Variants in CHD4 observed in about 807,000 individuals in gnomAD.
CHD4 encodes ATP-dependent chromatin remodeler CHD4.
A neutral mutation model predicts 235.5 loss-of-function variants in CHD4; 35 were observed. The observed-to-expected ratio is 0.15, with a 90% CI of 0.11 to 0.20. The LOEUF (loss-of-function observed/expected upper bound fraction) is 0.20. Ranked by LOEUF, CHD4 falls within the 10% of genes least tolerant of loss-of-function variation. The probability of loss-of-function intolerance (pLI) is 1.00; values close to 1 mark genes in which losing one functional copy is unlikely to be tolerated. For missense variants in CHD4, 1,329 were observed against 2,432.3 expected, an observed-to-expected ratio of 0.55 and a Z score of 9.54; for synonymous variants, 900 against 850.2, an observed-to-expected ratio of 1.06 and a Z score of -1.02.
At chr12:6,580,710 A>AAAACAAACAAAC in intron 33 of CHD4, 1 of 195,856 alleles carries the variant, frequency 5.1e-6, no homozygotes, top group Non-Finnish European at 9.5e-6. Flanking sequence ...CTTTGAAAAA[A>AAAACAAACAAAC]AAAAAAAAAA....
chr12:6,576,920 C>T (rs553428803), intron 37 of CHD4, among the ~76,000 whole-genome samples: 49 of 151,206 alleles, frequency 3.2e-4, no homozygotes, highest in Non-Finnish European at 6.0e-4. Context: ...TTATACTCAG[C>T]GTACGAGACA....
intron 33 of CHD4, chr12:6,580,261 A>G (rs1398289266): frequency 6.6e-6 from 1 of 151,996 alleles, no homozygotes; most frequent in Non-Finnish European, 1.5e-5. Context: ...AACAACAAAT[A>G]AAGTCATAAG....
chr12:6,575,788 G>A (rs994453716), intron 37 of CHD4, among the ~76,000 whole-genome samples: 2 of 152,008 alleles, frequency 1.3e-5, no homozygotes, highest in Non-Finnish European at 2.9e-5. Context: ...CCTCTAGCCC[G>A]TCCACCTTTC....
chr12:6,578,365 C>T, intron 35 of CHD4, 44 bp downstream of exon 35: 1 of 1,594,108 alleles, frequency 6.3e-7, no homozygotes. Context: ...ACCCCAATTT[C>T]ACATCAGATC....
chr12:6,582,180 T>A lies in CHD4; in HGVS notation c.4472A>T (p.His1491Leu), dbSNP rs1194324794. Residue 1491 changes from histidine to leucine, a missense_variant, in exon 30 of 40, where the codon CAT becomes CTT. Coordinates refer to ENST00000544040, the MANE Select transcript of CHD4 (RefSeq NM_001273.5). ...CATAACACCAATTCTAGTAAGGACA[T>A]GCTGGCGAGACAGGCCTTCTCGGGG... Reference protein sequence around the residue: ...GVPREGLSRQHVLTRIGVMSL... With the variant: ...GVPREGLSRQLVLTRIGVMSL... 26 of 1,598,680 alleles carry A rather than the reference T, an allele frequency of 1.6e-5. No homozygotes were observed. The highest frequency in any genetic ancestry group is 2.1e-5 in the Non-Finnish European group (25 of 1,173,830).
intron 37 of CHD4, among the ~76,000 whole-genome samples, chr12:6,573,757 C>T (rs1948019881): frequency 6.6e-6 from 1 of 152,120 alleles, no homozygotes; most frequent in African/African-American, 2.4e-5. Context: ...GGCACGGTGG[C>T]TCACACCTGT....
chr12:6,577,181 G>A (rs899639107), intron 37 of CHD4, among the ~76,000 whole-genome samples: 5 of 152,180 alleles, frequency 3.3e-5, no homozygotes, highest in Non-Finnish European at 7.3e-5. Context: ...CAATCTGGGT[G>A]GCCAAGGCAG....
rs765159128 is a variant in CHD4, at chr12:6,581,406, ACAAT to A, written c.4682-22_4682-19del. On this transcript the variant is annotated intron_variant, in intron 31 of 39. Coordinates refer to ENST00000544040, the MANE Select transcript of CHD4 (RefSeq NM_001273.5). ...CCCATCTTCTGCAGAACAATAAAAG[ACAAT>A]CAATTAGGAAGAAGGTACTAGATCA... is the stretch of plus-strand genomic sequence containing the variant. The A allele has an allele frequency of 1.2e-6, 2 of 1,606,982 alleles. No homozygotes were observed. The highest frequency in any genetic ancestry group is 8.5e-7 in the Non-Finnish European group (1 of 1,173,636).
At position 6,592,072 on chromosome 12, in the gene CHD4, TAGAA is replaced by T. The variant is rs769675089; in HGVS notation, c.2949-19_2949-16del. On this transcript the variant is annotated splice_polypyrimidine_tract_variant and intron_variant, in intron 19 of 39. Transcript: ENST00000544040. ...TGTAGTATTTCCTACATGGGCAAGG[TAGAA>T]AGACAGGTTAGACTTGAGAGCCTTT... The T allele has an allele frequency of 7.4e-6, 12 of 1,614,014 alleles. 1 individual carries two copies. The highest frequency in any genetic ancestry group is 6.6e-5 in the South Asian group (6 of 91,086).
rs11064267 is a variant in CHD4, at chr12:6,585,967, G to A, written c.3879+1417C>T. Among the ~76,000 whole-genome samples, 258 of 152,060 alleles carry A rather than the reference G, an allele frequency of 1.7e-3. 7 individuals carry two copies. In the South Asian group the frequency reaches 0.031, roughly 18 times the overall value. The stretch of plus-strand genomic sequence containing the variant: ...ATAAAAAAATTAGCCGGGCATGGTG[G>A]TGCATACCTGTAATCTCAGCTACTT... On this transcript the variant is annotated intron_variant, in intron 25 of 39. Transcript: ENST00000544040.
At position 6,600,944 on chromosome 12, in the gene CHD4, G is replaced by C. The variant is rs764194364; in HGVS notation, c.909C>G (p.Ser303=). 2 of 1,598,034 alleles carry C rather than the reference G, an allele frequency of 1.3e-6. No individual in the cohort carries two copies. Among genetic ancestry groups the C allele is most frequent in the Non-Finnish European group, 1.7e-6 (2 of 1,174,292 alleles). The part of the protein sequence containing the change: ...PLKIKLGGFG[S]KRKRSSSEDD... ...CTCTCACCGAGGATCTCTTACGCTT[G>C]GAACCAAAACCTCCCAGCTTGATTT... The change falls in exon 7 of 40, where the codon TCC becomes TCG. Residue 303 remains serine, a synonymous_variant. Coordinates refer to ENST00000544040, the MANE Select transcript of CHD4 (RefSeq NM_001273.5).
chr12:6,605,332 G>A (rs1027772753), intron 2 of CHD4, among the ~76,000 whole-genome samples: 7 of 152,208 alleles, frequency 4.6e-5, no homozygotes, highest in African/African-American at 1.7e-4. Flanking sequence ...AGATGAGTAG[G>A]TGACACAGCT....
At chr12:6,582,533 G>T in intron 29 of CHD4, 82 bp downstream of exon 29, 3 of 1,518,602 alleles carry the variant, frequency 2.0e-6, no homozygotes, top group Non-Finnish European at 2.6e-6. Flanking sequence ...TTCCCTGCAC[G>T]GCTAGGCCTA....
At position 6,601,526 on chromosome 12, in the gene CHD4, G is replaced by A. The variant is rs1948591193; in HGVS notation, c.562C>T (p.Leu188Phe). ...ATCTTGGGATTTTTGGCAGCAATGA[G>A]GGGTCTGGTGGAGAAATGCACAAGA... is the stretch of plus-strand genomic sequence containing the variant. The part of the protein sequence containing the change: ...YKAFSQFVRP[L>F]IAAKNPKIAV... The change falls in exon 6 of 40, where the codon CTC becomes TTC. Residue 188 changes from leucine to phenylalanine, a missense_variant. Around this residue, in one of 26 missense-constraint regions of CHD4, gnomAD observed 39 missense variants for 86.6 expected, o/e 0.45. Transcript: ENST00000544040. 6.2e-7 allele frequency: 1 copy of A among 1,614,074 alleles called. No homozygotes were observed. Among genetic ancestry groups the A allele is most frequent in the African/African-American group, 1.3e-5 (1 of 74,930 alleles).
At chr12:6,584,134 T>C (rs1193581467) in intron 25 of CHD4, 2 of 152,144 alleles carry the variant, frequency 1.3e-5, no homozygotes. Flanking sequence ...TACTCAACAT[T>C]TACAGACTTT....
chr12:6,592,346 A>G, intron 19 of CHD4, 47 bp downstream of exon 19: 1 of 1,536,436 alleles, frequency 6.5e-7, no homozygotes, highest in Non-Finnish European at 8.7e-7. Context: ...CACTCTGCAG[A>G]CTGGCAGATG....
intron 4 of CHD4, 87 bp from the exon 5 acceptor site, chr12:6,601,853 G>A (rs976360219): frequency 1.1e-4 from 170 of 1,558,904 alleles, no homozygotes; most frequent in South Asian, 2.2e-5. Context: ...CAGAGTAACA[G>A]AGTTAAGAGG....
chr12:6,577,657 G>A (rs1343560438), intron 37 of CHD4, 128 bp downstream of exon 37: 3 of 1,282,342 alleles, frequency 2.3e-6, no homozygotes, highest in Admixed American at 2.0e-5. Context: ...AGTTACTTGG[G>A]AGCAAAGCCT....
intron 15 of CHD4, among the ~76,000 whole-genome samples, 194 bp downstream of exon 15, chr12:6,594,265 T>A (rs534406323): frequency 2.6e-5 from 4 of 152,348 alleles, no homozygotes; most frequent in Admixed American, 6.5e-5. Flanking sequence ...TTCCGCTGTG[T>A]ACATGTGTTT....
Sources: allele counts gnomAD v4.1 joint callset (sites outside exome capture counted in the v4.1 genomes callset), GRCh38; gene constraint gnomAD v4.1.1; regional missense constraint gnomAD v4.1.1; transcripts MANE v1.5; gene names NCBI Gene and HGNC (gene_info 2026-07-23, HGNC 2026-07-21).